FSTL4: variants seen among roughly 807,000 people sequenced by gnomAD.
The protein encoded by FSTL4 is follistatin-related protein 4.
A neutral mutation model predicts 78.2 loss-of-function variants in FSTL4; 28 were observed. The observed-to-expected ratio is 0.36, with a 90% CI of 0.27 to 0.49. The LOEUF (loss-of-function observed/expected upper bound fraction) is 0.49, where lower values mean the gene tolerates loss of function less well. FSTL4 is among the 20% of genes least tolerant of loss of function. FSTL4 has a pLI of 0.98. For missense variants in FSTL4, 922 were observed against 1,084.9 expected, an observed-to-expected ratio of 0.85 and a Z score of 2.11; for synonymous variants, 422 against 440.5, an observed-to-expected ratio of 0.96 and a Z score of 0.53.
chr5:133,700,565 T>A, the FSTL4 span, among the ~76,000 whole-genome samples: 2 of 152,238 alleles, frequency 1.3e-5, no homozygotes, highest in Admixed American at 6.5e-5. Flanking sequence ...GCTCTGCCTA[T>A]GCCAAGGGCA....
At chr5:133,389,503 A>C (rs1032447577) in intron 4 of FSTL4, among the ~76,000 whole-genome samples, 2 of 151,996 alleles carry the variant, frequency 1.3e-5, no homozygotes, top group African/African-American at 4.8e-5. Flanking sequence ...TGTGTCACTG[A>C]CCCTTTCTGA....
the FSTL4 span, among the ~76,000 whole-genome samples, chr5:133,678,794 C>T: frequency 1.3e-5 from 2 of 152,032 alleles, no homozygotes; most frequent in African/African-American, 2.4e-5. Context: ...GAGTGCAGAT[C>T]TAGGAGAAAA....
At chr5:133,501,092 T>C (rs1031056667) in intron 3 of FSTL4, among the ~76,000 whole-genome samples, 3 of 152,104 alleles carry the variant, frequency 2.0e-5, no homozygotes, top group Admixed American at 6.6e-5. Flanking sequence ...AATGTGCTTC[T>C]GGGGAAGATG....
At chr5:133,213,123 C>G (rs1471089502) in intron 13 of FSTL4, among the ~76,000 whole-genome samples, 1 of 151,416 alleles carries the variant, frequency 6.6e-6, no homozygotes, top group East Asian at 1.9e-4. Context: ...CTGTTTCAGC[C>G]TCCCAAGTAG....
intron 13 of FSTL4, among the ~76,000 whole-genome samples, chr5:133,211,253 T>G (rs1308172041): frequency 6.6e-6 from 1 of 152,182 alleles, no homozygotes; most frequent in East Asian, 1.9e-4. Context: ...GCTCAAAAAC[T>G]CTGTTCTATA....
intron 3 of FSTL4, among the ~76,000 whole-genome samples, chr5:133,405,821 A>C (rs1267954021): frequency 6.6e-6 from 1 of 152,246 alleles, no homozygotes; most frequent in Admixed American, 6.5e-5. Context: ...CCGACGCTCC[A>C]GTCCCGTGCC....
chr5:133,749,674 C>T, the FSTL4 span, among the ~76,000 whole-genome samples: 1 of 152,204 alleles, frequency 6.6e-6, no homozygotes, highest in African/African-American at 2.4e-5. Context: ...GCAGGGATTA[C>T]TGGCCTGTTT....
chr5:133,617,736 G>A, the FSTL4 span, among the ~76,000 whole-genome samples: 2 of 152,148 alleles, frequency 1.3e-5, no homozygotes, highest in African/African-American at 4.8e-5. Context: ...GTATTCTAGA[G>A]ACCCCAGACT....
chr5:133,740,406 T>C, the FSTL4 span, among the ~76,000 whole-genome samples: 1 of 152,108 alleles, frequency 6.6e-6, no homozygotes, highest in South Asian at 2.1e-4. Context: ...TTAAAATACA[T>C]ATGACACTCA....
chr5:133,744,289 C>G, the FSTL4 span, among the ~76,000 whole-genome samples: 5 of 152,198 alleles, frequency 3.3e-5, no homozygotes, highest in African/African-American at 7.2e-5. Context: ...TAAAAACAAG[C>G]CTCATGGAAT....
chr5:133,496,322 T>C (rs139181066), intron 3 of FSTL4, among the ~76,000 whole-genome samples: 181 of 152,302 alleles, frequency 1.2e-3, no homozygotes, highest in African/African-American at 4.2e-3. Flanking sequence ...GATGTTAACT[T>C]GGAAGAGAAG....
chr5:133,459,549 A>G (rs982483166), intron 3 of FSTL4, among the ~76,000 whole-genome samples: 1 of 152,206 alleles, frequency 6.6e-6, no homozygotes, highest in Non-Finnish European at 1.5e-5. Context: ...AGAGTTGAGT[A>G]AATTAAATAT....
the FSTL4 span, among the ~76,000 whole-genome samples, chr5:133,822,136 G>T: frequency 6.6e-6 from 1 of 151,962 alleles, no homozygotes; most frequent in South Asian, 2.1e-4. Context: ...AACACTCCTC[G>T]CCCCCTGGAC....
chr5:133,447,185 C>T (rs931526052), intron 3 of FSTL4, among the ~76,000 whole-genome samples: 6 of 152,184 alleles, frequency 3.9e-5, no homozygotes, highest in African/African-American at 1.4e-4. Flanking sequence ...TGAGGTGTCA[C>T]CACCAGCCTG....
Position 133,440,238 on chromosome 5 carries a change from G to T in FSTL4, c.161-39252C>A, listed in dbSNP as rs1342537026. On this transcript the variant is annotated intron_variant, in intron 3 of 15. Transcript: ENST00000265342. This position sits in a 1 kb window ranked among gnomAD's most constrained non-coding sequence, Gnocchi z 4.1. ...AGGGCCTCAGCGGGCAAGGTGGGCC[G>T]CTGACAAGGTGTCTTGACAGGAACA... is the stretch of plus-strand genomic sequence containing the variant. Among the ~76,000 whole-genome samples the T allele has an allele frequency of 1.3e-5, 2 of 152,148 alleles. No homozygotes were observed. Among genetic ancestry groups the T allele is most frequent in the Non-Finnish European group, 2.9e-5 (2 of 68,014 alleles).
chr5:133,819,202 A>C, the FSTL4 span, among the ~76,000 whole-genome samples: 3 of 151,586 alleles, frequency 2.0e-5, no homozygotes, highest in South Asian at 6.4e-4. Flanking sequence ...TAGAACAAGA[A>C]AGTGAAGTCA....
chr5:133,596,153 G>C (rs1226878157), intron 2 of FSTL4, among the ~76,000 whole-genome samples: 1 of 152,200 alleles, frequency 6.6e-6, no homozygotes, highest in Non-Finnish European at 1.5e-5. Context: ...GCCTATACCA[G>C]CAGCTAGCCC....
At chr5:133,839,777 T>C in the FSTL4 span, among the ~76,000 whole-genome samples, 1 of 152,232 alleles carries the variant, frequency 6.6e-6, no homozygotes. Flanking sequence ...AGATGGGCCA[T>C]GTACCATTTT....
intron 7 of FSTL4, among the ~76,000 whole-genome samples, chr5:133,240,656 C>A (rs564963574): frequency 1.3e-5 from 2 of 152,256 alleles, no homozygotes; most frequent in South Asian, 4.2e-4. Flanking sequence ...AGGGGAGGCC[C>A]TTATCTCTTA....
Sources: allele counts gnomAD v4.1 joint callset (sites outside exome capture counted in the v4.1 genomes callset), GRCh38; gene constraint gnomAD v4.1.1; non-coding constraint Gnocchi (gnomAD v3.1); transcripts MANE v1.5; gene names NCBI Gene and HGNC (gene_info 2026-07-23, HGNC 2026-07-21).